Variants in CTNNA2 observed in about 807,000 individuals in gnomAD.
The protein encoded by CTNNA2 is catenin alpha 2.
A neutral mutation model predicts 101.0 loss-of-function variants in CTNNA2; 42 were observed. The observed-to-expected ratio is 0.42, with a 90% CI of 0.32 to 0.54. The LOEUF is 0.54. CTNNA2 is among the 20% of genes least tolerant of loss of function. CTNNA2 has a pLI of 0.14. For missense variants in CTNNA2, 871 were observed against 1,223.1 expected (o/e 0.71, Z 4.29); for synonymous variants, 450 against 456.4 (o/e 0.99, Z 0.18).
At chr2:79,221,077 G>A (rs777000987) in intron 2 of CTNNA2, among the ~76,000 whole-genome samples, 6 of 152,184 alleles carry the variant, frequency 3.9e-5, no homozygotes, top group East Asian at 1.9e-4. Context: ...AGTCAATTAC[G>A]AAATAAAGGA....
intron 4 of CTNNA2, among the ~76,000 whole-genome samples, chr2:79,416,266 T>C (rs948805870): frequency 7.4e-4 from 103 of 140,060 alleles, no homozygotes; most frequent in Non-Finnish European, 1.3e-3. Context: ...TCTTTTTTTT[T>C]TTTTTTTTTT....
At chr2:80,222,675 A>C (rs1326609967) in intron 7 of CTNNA2, among the ~76,000 whole-genome samples, 3 of 152,184 alleles carry the variant, frequency 2.0e-5, no homozygotes, top group Non-Finnish European at 4.4e-5. Flanking sequence ...GTGGGTGTAC[A>C]AGGATGTACA....
At chr2:79,591,758 G>A (rs900202812) in intron 1 of CTNNA2, among the ~76,000 whole-genome samples, 15 of 152,118 alleles carry the variant, frequency 9.9e-5, no homozygotes, top group African/African-American at 3.4e-4. Flanking sequence ...AGAAATGGGG[G>A]TGTTGCTTTC....
intron 6 of CTNNA2, among the ~76,000 whole-genome samples, chr2:79,875,872 G>A (rs1447821413): frequency 6.6e-6 from 1 of 151,814 alleles, no homozygotes; most frequent in African/African-American, 2.4e-5. Context: ...TCAAAATAAT[G>A]TTTACTTTAT....
chr2:79,774,138 C>T (rs1252914634), intron 3 of CTNNA2, among the ~76,000 whole-genome samples: 1 of 152,168 alleles, frequency 6.6e-6, no homozygotes, highest in African/African-American at 2.4e-5. Context: ...ATGAGTTTTG[C>T]ACCCGGGCCT....
At chr2:79,540,945 A>G (rs900028260) in intron 1 of CTNNA2, among the ~76,000 whole-genome samples, 4 of 152,130 alleles carry the variant, frequency 2.6e-5, no homozygotes, top group South Asian at 2.1e-4. Flanking sequence ...TTTAATAGCT[A>G]TCGGATTGGT....
chr2:79,915,632 G>GTA (rs1686148039), intron 7 of CTNNA2, among the ~76,000 whole-genome samples: 1 of 152,192 alleles, frequency 6.6e-6, no homozygotes, highest in Non-Finnish European at 1.5e-5. Flanking sequence ...AAATGAGAAC[G>GTA]AAGTGAGGAC....
At chr2:79,730,936 G>C (rs1251350262) in intron 2 of CTNNA2, among the ~76,000 whole-genome samples, 1 of 151,738 alleles carries the variant, frequency 6.6e-6, no homozygotes, top group Non-Finnish European at 1.5e-5. Context: ...GATGCAATGA[G>C]GTTTATATCC....
At chr2:79,521,163 T>TATATATAA (rs1672100553) in intron 1 of CTNNA2, among the ~76,000 whole-genome samples, 2 of 96,476 alleles carry the variant, frequency 2.1e-5, no homozygotes, top group African/African-American at 9.3e-5. Context: ...TATATATATA[T>TATATATAA]ATATAAATTT....
chr2:79,227,092 A>G (rs559309450), intron 2 of CTNNA2, among the ~76,000 whole-genome samples: 8 of 152,294 alleles, frequency 5.3e-5, no homozygotes, highest in South Asian at 2.1e-4. Flanking sequence ...TATCACATTC[A>G]GCAGTCTCTT....
chr2:79,922,200 A>G (rs1163898811), intron 7 of CTNNA2, among the ~76,000 whole-genome samples: 1 of 152,134 alleles, frequency 6.6e-6, no homozygotes, highest in Non-Finnish European at 1.5e-5. Flanking sequence ...ACTCCTTGCC[A>G]TGGAACTAGT....
chr2:80,134,210 G>A (rs1417434772), intron 7 of CTNNA2, among the ~76,000 whole-genome samples: 3 of 152,140 alleles, frequency 2.0e-5, no homozygotes, highest in Non-Finnish European at 2.9e-5. Context: ...AGAGTAGGCT[G>A]AAAAGGTTGC....
intron 7 of CTNNA2, among the ~76,000 whole-genome samples, chr2:80,078,125 C>A (rs1490522957): frequency 1.3e-5 from 2 of 152,054 alleles, no homozygotes; most frequent in Non-Finnish European, 2.9e-5. Flanking sequence ...TTTTTTCAAC[C>A]ATTTATTAAA....
intron 18 of CTNNA2, among the ~76,000 whole-genome samples, chr2:80,633,176 G>A (rs1026796328): frequency 3.3e-5 from 5 of 152,134 alleles, no homozygotes; most frequent in African/African-American, 1.2e-4. Flanking sequence ...ACATCATTTC[G>A]TGGTGTGTGC....
intron 7 of CTNNA2, among the ~76,000 whole-genome samples, chr2:80,087,908 T>C (rs1699550056): frequency 6.6e-6 from 1 of 152,008 alleles, no homozygotes; most frequent in Non-Finnish European, 1.5e-5. Context: ...TATCACTCTA[T>C]CTTTGATACA....
chr2:79,994,854 C>T (rs2902102), intron 7 of CTNNA2, among the ~76,000 whole-genome samples: 43,297 of 151,970 alleles, frequency 0.28, 9,117 homozygotes, highest in African/African-American at 0.55. Flanking sequence ...TGACTTCCGC[C>T]CTGATGTTCC....
chr2:80,473,327 G>A (rs1685463151), intron 9 of CTNNA2, among the ~76,000 whole-genome samples: 2 of 152,238 alleles, frequency 1.3e-5, no homozygotes, highest in Non-Finnish European at 2.9e-5. Flanking sequence ...AGTGAGTTAC[G>A]AAACAGAATA....
intron 9 of CTNNA2, among the ~76,000 whole-genome samples, chr2:80,455,377 G>T (rs557122303): frequency 6.6e-6 from 1 of 152,274 alleles, no homozygotes; most frequent in African/African-American, 2.4e-5. Context: ...CTATCAGGAG[G>T]GTTGAGAAGG....
At chr2:79,827,220 G>T (rs1678517558) in intron 3 of CTNNA2, among the ~76,000 whole-genome samples, 1 of 151,952 alleles carries the variant, frequency 6.6e-6, no homozygotes, top group African/African-American at 2.4e-5. Context: ...TTTATTTTTA[G>T]TAGAAACAGA....
Sources: allele counts gnomAD v4.1 joint callset (sites outside exome capture counted in the v4.1 genomes callset), GRCh38; gene constraint gnomAD v4.1.1; transcripts MANE v1.5; gene names NCBI Gene and HGNC (gene_info 2026-07-23, HGNC 2026-07-21).